Variants in SOX5 observed in about 807,000 individuals in gnomAD.
SOX5 encodes the protein transcription factor SOX-5.
Under a neutral mutation model 92.0 loss-of-function variants are expected in SOX5, and 9 were observed. The observed-to-expected ratio is 0.10, with a 90% CI of 0.06 to 0.17. The LOEUF is 0.17. SOX5 is among the 10% of genes least tolerant of loss of function. SOX5 has a pLI of 1.00. For synonymous variants in SOX5, 344 were observed against 336.3 expected, an observed-to-expected ratio of 1.02 and a Z score of -0.25; for missense variants, 642 against 944.5, an observed-to-expected ratio of 0.68 and a Z score of 4.20.
intron 1 of SOX5, among the ~76,000 whole-genome samples, chr12:24,532,964 A>T (rs1951321347): frequency 6.6e-6 from 1 of 152,226 alleles, no homozygotes; most frequent in Admixed American, 6.5e-5. Context: ...GAAAACTCAG[A>T]ATTTCAATAA....
At chr12:24,508,972 C>G (rs1020246059) in intron 1 of SOX5, among the ~76,000 whole-genome samples, 1 of 152,108 alleles carries the variant, frequency 6.6e-6, no homozygotes, top group Admixed American at 6.5e-5. Flanking sequence ...AAAGAAAGTT[C>G]GGAAATTGCC....
At chr12:24,330,620 A>G (rs1191168731) in intron 2 of SOX5, among the ~76,000 whole-genome samples, 1 of 152,254 alleles carries the variant, frequency 6.6e-6, no homozygotes, top group African/African-American at 2.4e-5. Context: ...GGCCCCACTT[A>G]AACGAAAGTT....
chr12:23,693,011 A>G (rs2089160195), intron 6 of SOX5, among the ~76,000 whole-genome samples: 1 of 152,094 alleles, frequency 6.6e-6, no homozygotes, highest in Admixed American at 6.6e-5. Flanking sequence ...GTATTTGACT[A>G]TTATGTCTTT....
intron 3 of SOX5, among the ~76,000 whole-genome samples, chr12:23,796,938 T>A (rs1401526765): frequency 1.4e-5 from 2 of 147,964 alleles, no homozygotes; most frequent in Admixed American, 6.8e-5. Flanking sequence ...AGAGCTAAGT[T>A]TGATGCTCTG....
chr12:23,773,058 A>C (rs959801183), intron 3 of SOX5, among the ~76,000 whole-genome samples: 10 of 152,200 alleles, frequency 6.6e-5, no homozygotes, highest in Non-Finnish European at 1.2e-4. Context: ...ATTCTAATAA[A>C]GGAGTCAAAT....
rs150891056 is a variant in SOX5 at position 24,364,961 on chromosome 12, T to C, written c.-174+3602A>G. Among the ~76,000 whole-genome samples, 337 of 152,146 alleles carry C rather than the reference T, an allele frequency of 2.2e-3. 1 individual carries two copies. The highest frequency in any genetic ancestry group is 7.5e-3 in the African/African-American group (313 of 41,540). Reference sequence around the variant, plus strand: ...ACACAATGGCCTTTGTATAACTATTTTGAAAGCTGATCATCCCCCAAAATA... The same window carrying C: ...ACACAATGGCCTTTGTATAACTATTCTGAAAGCTGATCATCCCCCAAAATA... On this transcript the variant is annotated intron_variant, in intron 2 of 4. Coordinates refer to the SOX5 transcript ENST00000446891.
At chr12:24,085,204 C>A (rs1943833327) in intron 4 of SOX5, among the ~76,000 whole-genome samples, 1 of 152,156 alleles carries the variant, frequency 6.6e-6, no homozygotes, top group Non-Finnish European at 1.5e-5. Context: ...GGAAGAGGGG[C>A]AACAGATGCC....
At chr12:24,537,939 C>T (rs371054782) in intron 1 of SOX5, among the ~76,000 whole-genome samples, 4 of 152,200 alleles carry the variant, frequency 2.6e-5, no homozygotes, top group African/African-American at 9.7e-5. Context: ...TCCACAGTTA[C>T]ATTTCTTGTT....
intron 3 of SOX5, among the ~76,000 whole-genome samples, chr12:23,784,393 C>T (rs1436063460): frequency 2.6e-5 from 4 of 152,162 alleles, no homozygotes; most frequent in Admixed American, 6.5e-5. Flanking sequence ...GTGGCATGAT[C>T]TCTGCTCACT....
chr12:23,987,860 G>C (rs930974011), intron 4 of SOX5, among the ~76,000 whole-genome samples: 5 of 152,148 alleles, frequency 3.3e-5, no homozygotes, highest in African/African-American at 1.2e-4. Context: ...TCATTGAAAG[G>C]TTAAAGACAA....
At chr12:23,949,772 C>G (rs868448410), upstream of SOX5, 138 of 446,242 alleles carry the variant, frequency 3.1e-4, no homozygotes, top group Non-Finnish European at 4.4e-4. Flanking sequence ...CTCTGTCTCT[C>G]TCTCTCTCTC....
At chr12:24,097,196 T>C (rs1204179059) in intron 4 of SOX5, among the ~76,000 whole-genome samples, 2 of 152,178 alleles carry the variant, frequency 1.3e-5, no homozygotes, top group Non-Finnish European at 2.9e-5. Context: ...GAAATGTTTA[T>C]TCAAGTCCTT....
intron 7 of SOX5, among the ~76,000 whole-genome samples, chr12:23,665,022 A>G (rs1488789909): frequency 6.6e-6 from 1 of 152,146 alleles, no homozygotes; most frequent in Non-Finnish European, 1.5e-5. Context: ...TCGGTCTAAG[A>G]ACTAAAAAGA....
intron 2 of SOX5, among the ~76,000 whole-genome samples, chr12:23,863,372 C>A (rs553033575): frequency 6.6e-6 from 1 of 152,204 alleles, no homozygotes; most frequent in South Asian, 2.1e-4. Flanking sequence ...TTCTTTGATT[C>A]TTTCTAACAG....
At chr12:24,095,224 T>C (rs1178957086) in intron 4 of SOX5, among the ~76,000 whole-genome samples, 3 of 146,208 alleles carry the variant, frequency 2.1e-5, no homozygotes, top group Non-Finnish European at 4.5e-5. Context: ...CAGAAAAAAA[T>C]GGAGTCTCAA....
Position 23,931,935 on chromosome 12 carries a change from T to A in SOX5, c.38+17629A>T, listed in dbSNP as rs1406876959. On this transcript the variant is annotated intron_variant, in intron 1 of 14. Coordinates refer to ENST00000451604, the MANE Select transcript of SOX5 (RefSeq NM_006940.6). ...AGTAGACATTATGAATATGTGGTAA[T>A]GGTTTCTTGAACTAAGGAAGCCCTA... Among the ~76,000 whole-genome samples the A allele has an allele frequency of 2.0e-5, 3 of 151,582 alleles. No homozygotes were observed. The East Asian group carries it at 5.8e-4, about 29-fold the overall frequency.
chr12:23,785,151 G>T (rs1175313947), intron 3 of SOX5, among the ~76,000 whole-genome samples: 1 of 152,132 alleles, frequency 6.6e-6, no homozygotes, highest in African/African-American at 2.4e-5. Context: ...GATCACAACT[G>T]ACAAGTGTTC....
chr12:24,174,902 CA>C (rs891088797), intron 4 of SOX5, among the ~76,000 whole-genome samples: 4 of 152,124 alleles, frequency 2.6e-5, no homozygotes, highest in African/African-American at 9.6e-5. Context: ...TACAGAGCCA[CA>C]AAAAGAAAAG....
At chr12:23,555,468 A>G (rs1292943732) in intron 11 of SOX5, among the ~76,000 whole-genome samples, 2 of 151,882 alleles carry the variant, frequency 1.3e-5, no homozygotes, top group African/African-American at 4.8e-5. Context: ...AAATTAAACC[A>G]TAAAAAGTTT....
Sources: gnomAD v4.1 joint callset for allele counts (sites outside exome capture counted in the v4.1 genomes callset) on GRCh38, gnomAD v4.1.1 for gene constraint, MANE v1.5 for transcripts, NCBI Gene and HGNC (gene_info 2026-07-23, HGNC 2026-07-21) for gene names.